RPH3A: variants seen among roughly 807,000 people sequenced by gnomAD.
The protein encoded by RPH3A is rabphilin-3A.
A neutral mutation model predicts 102.2 loss-of-function variants in RPH3A; 48 were observed. The ratio of observed to expected loss-of-function variants is 0.47; its 90% confidence interval spans 0.37 to 0.60. The LOEUF is 0.60. Among genes scored for constraint, RPH3A ranks in the 20% least tolerant of loss-of-function variants. The probability of loss-of-function intolerance (pLI) is 0.00; values close to 1 mark genes in which losing one functional copy is unlikely to be tolerated. For missense variants in RPH3A, 781 were observed against 910.1 expected (o/e 0.86, Z 1.83); for synonymous variants, 310 against 324.3 (o/e 0.96, Z 0.47).
chr12:112,761,662 C>A (rs929200693), intron 1 of RPH3A, among the ~76,000 whole-genome samples: 4 of 152,216 alleles, frequency 2.6e-5, no homozygotes, highest in African/African-American at 9.7e-5. Context: ...GCCCATTTGT[C>A]TGACTTCTCA....
At chr12:112,761,442 G>T (rs2040854734) in intron 1 of RPH3A, among the ~76,000 whole-genome samples, 1 of 152,364 alleles carries the variant, frequency 6.6e-6, no homozygotes, top group Middle Eastern at 3.4e-3. Context: ...CTTTCTGCCA[G>T]CAGGCAACAC....
intron 2 of RPH3A, among the ~76,000 whole-genome samples, chr12:112,807,823 C>T (rs1193693658): frequency 6.6e-6 from 1 of 152,162 alleles, no homozygotes; most frequent in African/African-American, 2.4e-5. Flanking sequence ...AATTTTACCT[C>T]CCTCCCCAGA....
chr12:112,663,095 AGAGAGAGAGAGC>A (rs1212290801), intron 1 of RPH3A, among the ~76,000 whole-genome samples: 8 of 131,538 alleles, frequency 6.1e-5, no homozygotes, highest in Non-Finnish European at 1.2e-4. Flanking sequence ...TGTGAAAGAG[AGAGAGAGAGAGC>A]GAGAGAGAGA....
intron 1 of RPH3A, among the ~76,000 whole-genome samples, chr12:112,732,504 C>T (rs985473031): frequency 2.0e-5 from 3 of 152,174 alleles, no homozygotes; most frequent in Non-Finnish European, 4.4e-5. Context: ...CTCATTAACG[C>T]ACGCTAGGTT....
chr12:112,878,082 G>T (rs1389251663), intron 13 of RPH3A, among the ~76,000 whole-genome samples: 1 of 152,236 alleles, frequency 6.6e-6, no homozygotes, highest in Non-Finnish European at 1.5e-5. Context: ...CTGCATGGAA[G>T]ATCAGCTGTC....
intron 1 of RPH3A, among the ~76,000 whole-genome samples, chr12:112,666,974 T>C (rs2040087204): frequency 6.6e-6 from 1 of 152,162 alleles, no homozygotes; most frequent in South Asian, 2.1e-4. Flanking sequence ...TCTCAATGGC[T>C]TCCAAGGCTC....
At chr12:112,836,230 T>A (rs1015416508) in intron 3 of RPH3A, among the ~76,000 whole-genome samples, 3 of 152,222 alleles carry the variant, frequency 2.0e-5, no homozygotes, top group Non-Finnish European at 4.4e-5. Context: ...ATTATTCAAA[T>A]ACATACACAA....
At chr12:112,591,299 T>A (rs1388329667) in intron 1 of RPH3A, among the ~76,000 whole-genome samples, 1 of 152,096 alleles carries the variant, frequency 6.6e-6, no homozygotes, top group Non-Finnish European at 1.5e-5. Context: ...TTACCCAGGC[T>A]GGTCTTGATC....
intron 1 of RPH3A, among the ~76,000 whole-genome samples, chr12:112,709,088 C>G (rs1268929063): frequency 6.6e-6 from 1 of 152,096 alleles, no homozygotes; most frequent in Non-Finnish European, 1.5e-5. Context: ...ATGCAGCTCC[C>G]TTTGATGGGT....
chr12:112,770,477 C>T (rs973171266), intron 1 of RPH3A, among the ~76,000 whole-genome samples: 9 of 152,152 alleles, frequency 5.9e-5, no homozygotes, highest in African/African-American at 2.2e-4. Context: ...TCCTGAGTAG[C>T]TGGGACTACA....
chr12:112,610,935 T>G (rs2039635086), intron 1 of RPH3A, among the ~76,000 whole-genome samples: 1 of 152,200 alleles, frequency 6.6e-6, no homozygotes, highest in Admixed American at 6.5e-5. Context: ...CGCACCCACC[T>G]GTCTAAAGTT....
chr12:112,728,781 G>C (rs2040613308), intron 1 of RPH3A, among the ~76,000 whole-genome samples: 1 of 152,154 alleles, frequency 6.6e-6, no homozygotes, highest in Non-Finnish European at 1.5e-5. Flanking sequence ...TGAGAAGCAG[G>C]AGCATGGCTC....
At position 112,712,123 on chromosome 12, in the gene RPH3A, T is replaced by G. The variant is rs146507131; in HGVS notation, c.-139-80020T>G. 3.2e-3 allele frequency among the ~76,000 whole-genome samples: 490 copies of G among 152,296 alleles called. 4 individuals are homozygous for G. Among genetic ancestry groups the G allele is most frequent in the African/African-American group, 0.011 (457 of 41,560 alleles). ...CTGGGATTTCAGGGGTGAGCCACCA[T>G]GCCCGGCCTCTGTACATTTTAGTTC... On this transcript the variant is annotated intron_variant, in intron 1 of 21. Transcript: ENST00000543106.
At chr12:112,808,443 T>C (rs2041510167) in intron 2 of RPH3A, among the ~76,000 whole-genome samples, 1 of 152,186 alleles carries the variant, frequency 6.6e-6, no homozygotes, top group African/African-American at 2.4e-5. Context: ...GAGCAAGCAG[T>C]AAGTGCTCAG....
In RPH3A at chr12:112,715,068, A is replaced by G. The variant is rs184998976; in HGVS notation, c.-139-77075A>G. The stretch of plus-strand genomic sequence containing the variant: ...CCTTACAATTCTTAGCGTTTGTACT[A>G]TTTAATGAATATTTATATTAACATC... On this transcript the variant is annotated intron_variant, in intron 1 of 21. Transcript: ENST00000543106. 2.8e-3 allele frequency among the ~76,000 whole-genome samples: 432 copies of G among 152,302 alleles called. 2 individuals carry two copies. Among genetic ancestry groups the G allele is most frequent in the African/African-American group, 9.8e-3 (407 of 41,556 alleles).
intron 1 of RPH3A, among the ~76,000 whole-genome samples, chr12:112,584,476 C>T (rs1946158758): frequency 6.6e-6 from 1 of 152,154 alleles, no homozygotes; most frequent in Admixed American, 6.5e-5. Flanking sequence ...TTGGTCCAGC[C>T]AGGGTCACAT....
intron 1 of RPH3A, among the ~76,000 whole-genome samples, chr12:112,727,470 C>G (rs867663318): frequency 8.8e-6 from 1 of 113,460 alleles, no homozygotes; most frequent in Non-Finnish European, 1.9e-5. Flanking sequence ...CACACACACA[C>G]ACACACACAC....
At chr12:112,882,357 G>A (rs1485959239) in intron 15 of RPH3A, among the ~76,000 whole-genome samples, 2 of 152,068 alleles carry the variant, frequency 1.3e-5, no homozygotes, top group African/African-American at 4.8e-5. Flanking sequence ...TCTCCTCTCT[G>A]GGGATTGGCC....
rs572751037 is a variant in RPH3A at position 112,713,467 on chromosome 12, C to CT, written c.-139-78670dup. Among the ~76,000 whole-genome samples the CT allele has an allele frequency of 2.6e-5, 4 of 151,974 alleles. No homozygotes were observed. In the South Asian group the frequency reaches 8.3e-4, roughly 32 times the overall value. On this transcript the variant is annotated intron_variant, in intron 1 of 21. Coordinates refer to the RPH3A transcript ENST00000543106. ...AGTGTGTAGAAAAGAGAGCATATTT[C>CT]TTTTTTACAATCTTTTTCCCGACCA...
Sources: gnomAD v4.1 joint callset for allele counts (sites outside exome capture counted in the v4.1 genomes callset) on GRCh38, gnomAD v4.1.1 for gene constraint, MANE v1.5 for transcripts, NCBI Gene and HGNC (gene_info 2026-07-23, HGNC 2026-07-21) for gene names.